The following ANTXR1 variants were observed in gnomAD, a reference collection of about 807,000 sequenced individuals.
ANTXR1 encodes the protein anthrax toxin receptor 1.
A neutral mutation model predicts 78.1 loss-of-function variants in ANTXR1; 19 were observed. The ratio of observed to expected loss-of-function variants is 0.24; its 90% CI spans 0.17 to 0.36. The LOEUF is 0.36. Ranked by LOEUF, ANTXR1 falls within the 10% of genes least tolerant of loss-of-function variation. The probability of loss-of-function intolerance (pLI) is 1.00; values close to 1 mark genes in which losing one functional copy is unlikely to be tolerated. For synonymous variants in ANTXR1, 273 were observed against 260.5 expected, an observed-to-expected ratio of 1.05 and a Z score of -0.46; for missense variants, 518 against 718.6, an observed-to-expected ratio of 0.72 and a Z score of 3.19.
chr2:69,120,043 A>G (rs1374406780), intron 10 of ANTXR1, among the ~76,000 whole-genome samples: 1 of 152,226 alleles, frequency 6.6e-6, no homozygotes, highest in Non-Finnish European at 1.5e-5. Context: ...TGAAAATACC[A>G]TAACTCAAAA....
intron 17 of ANTXR1, among the ~76,000 whole-genome samples, chr2:69,225,862 C>G (rs1188750722): frequency 1.3e-5 from 2 of 152,184 alleles, no homozygotes; most frequent in Non-Finnish European, 2.9e-5. Context: ...AAGTCCCTGC[C>G]TTCAAAGAAA....
chr2:69,160,469 C>A (rs1324825893), intron 13 of ANTXR1, among the ~76,000 whole-genome samples: 8 of 152,304 alleles, frequency 5.3e-5, no homozygotes, highest in Non-Finnish European at 1.0e-4. Flanking sequence ...AAGGCTGCTT[C>A]CTCATATTCG....
chr2:69,144,174 G>A (rs902990634), intron 12 of ANTXR1, among the ~76,000 whole-genome samples: 5 of 152,182 alleles, frequency 3.3e-5, no homozygotes, highest in Admixed American at 2.0e-4. Context: ...CCTCCAAGGC[G>A]CCAGTCCTGT....
intron 17 of ANTXR1, among the ~76,000 whole-genome samples, chr2:69,204,707 T>A (rs905705924): frequency 2.0e-5 from 3 of 152,144 alleles, no homozygotes; most frequent in African/African-American, 7.2e-5. Context: ...GACTCAGCCT[T>A]ATCTCTTGAG....
chr2:69,209,691 G>A (rs1212342535), intron 17 of ANTXR1, among the ~76,000 whole-genome samples: 2 of 152,236 alleles, frequency 1.3e-5, no homozygotes, highest in African/African-American at 4.8e-5. Flanking sequence ...AAGATCAGGG[G>A]ACAGCAGCAG....
intron 1 of ANTXR1, among the ~76,000 whole-genome samples, chr2:69,023,267 G>C (rs533708115): frequency 2.0e-5 from 3 of 152,024 alleles, no homozygotes; most frequent in African/African-American, 7.3e-5. Context: ...GATGGTGATG[G>C]TGATGGTTAT....
intron 12 of ANTXR1, among the ~76,000 whole-genome samples, chr2:69,147,261 G>A (rs1357310778): frequency 1.3e-5 from 2 of 152,238 alleles, no homozygotes; most frequent in Non-Finnish European, 2.9e-5. Flanking sequence ...TAGCATAACC[G>A]AACTATTTTG....
At chr2:69,110,624 G>A (rs999062795) in intron 10 of ANTXR1, among the ~76,000 whole-genome samples, 5 of 152,004 alleles carry the variant, frequency 3.3e-5, no homozygotes, top group Admixed American at 1.3e-4. Context: ...TTTGGGAGGC[G>A]GAGGCGGGCG....
intron 10 of ANTXR1, among the ~76,000 whole-genome samples, chr2:69,119,689 T>C (rs938129562): frequency 1.1e-4 from 17 of 148,592 alleles, no homozygotes; most frequent in African/African-American, 4.2e-4. Flanking sequence ...ACTCACGAGG[T>C]TGTCATTACA....
rs1673859276 is a variant in ANTXR1 at position 69,167,512 on chromosome 2, C to A, written c.1048-2736C>A. ...TCTTGGCACAAGGATTTGGCCCACTCACGGACAGCCTATCCAACTTTACTG... is the reference window on the plus strand; with the variant it reads ...TCTTGGCACAAGGATTTGGCCCACTAACGGACAGCCTATCCAACTTTACTG... On this transcript the variant is annotated intron_variant, in intron 13 of 17. Coordinates refer to ENST00000303714, the MANE Select transcript of ANTXR1 (RefSeq NM_032208.3). Among the ~76,000 whole-genome samples the A allele has an allele frequency of 2.0e-5, 3 of 152,230 alleles. No homozygotes were observed. The South Asian group carries it at 6.2e-4, about 32-fold the overall frequency.
At chr2:69,036,806 C>T (rs1308382097) in intron 1 of ANTXR1, among the ~76,000 whole-genome samples, 2 of 152,158 alleles carry the variant, frequency 1.3e-5, no homozygotes, top group African/African-American at 4.8e-5. Flanking sequence ...TCTGAGGCAC[C>T]TGGAGAGCAT....
At chr2:69,034,238 G>T (rs1671611390) in intron 1 of ANTXR1, among the ~76,000 whole-genome samples, 1 of 152,220 alleles carries the variant, frequency 6.6e-6, no homozygotes. Context: ...TCTGGGTCTA[G>T]TAGTGAAGAC....
At chr2:69,154,287 T>C (rs1673470739) in intron 13 of ANTXR1, among the ~76,000 whole-genome samples, 1 of 152,142 alleles carries the variant, frequency 6.6e-6, no homozygotes, top group Admixed American at 6.5e-5. Context: ...TTTATGAGGG[T>C]TGATCTTCGG....
chr2:69,065,191 C>T (rs1056005175), intron 3 of ANTXR1, among the ~76,000 whole-genome samples: 3 of 151,934 alleles, frequency 2.0e-5, no homozygotes, highest in African/African-American at 4.8e-5. Flanking sequence ...TTTGGGAGGC[C>T]GAGGCGGGCG....
intron 13 of ANTXR1, among the ~76,000 whole-genome samples, chr2:69,155,172 G>A (rs1281204708): frequency 6.6e-6 from 1 of 152,192 alleles, no homozygotes; most frequent in Non-Finnish European, 1.5e-5. Context: ...GAATTAACTT[G>A]TTGCCAGCCT....
chr2:69,091,021 G>C lies in ANTXR1; in HGVS notation c.703+102G>C. The stretch of plus-strand genomic sequence containing the variant: ...GTTGGTGGGGTGGGAAAGAGGAACA[G>C]GAAGGGGTAGGGTGAAAAGAGGAGC... On this transcript the variant is annotated intron_variant, in intron 9 of 17. Coordinates refer to ENST00000303714, the MANE Select transcript of ANTXR1 (RefSeq NM_032208.3). The C allele has an allele frequency of 3.3e-6, 4 of 1,210,056 alleles. No homozygotes were observed. In the South Asian group the frequency reaches 5.0e-5, roughly 15 times the overall value. The allele number at this position is 1,210,056 out of a possible 1,614,324, so 75.0% of individuals were successfully genotyped here. A position where few individuals can be genotyped will look rare whatever the true frequency, so the allele number is the denominator to read the frequency against.
chr2:69,155,332 AAC>A, intron 13 of ANTXR1, among the ~76,000 whole-genome samples: 1 of 152,176 alleles, frequency 6.6e-6, no homozygotes, highest in Non-Finnish European at 1.5e-5. Context: ...ATTGGCACAA[AAC>A]ACCCACCTTG....
chr2:69,195,772 AAAT>A (rs1269624783), intron 17 of ANTXR1, among the ~76,000 whole-genome samples: 1 of 152,224 alleles, frequency 6.6e-6, no homozygotes, highest in Non-Finnish European at 1.5e-5. Context: ...ATTGAGAAAA[AAAT>A]AATAATAAGA....
At chr2:69,023,543 C>T (rs1484883901) in intron 1 of ANTXR1, among the ~76,000 whole-genome samples, 2 of 149,028 alleles carry the variant, frequency 1.3e-5, no homozygotes, top group African/African-American at 5.0e-5. Context: ...ATGATGATGG[C>T]AGTGGTCATG....
Sources: gnomAD v4.1 joint callset for allele counts (sites outside exome capture counted in the v4.1 genomes callset) on GRCh38, gnomAD v4.1.1 for gene constraint, MANE v1.5 for transcripts, NCBI Gene and HGNC (gene_info 2026-07-23, HGNC 2026-07-21) for gene names.